Variants in ITPKB observed in about 807,000 individuals in gnomAD.
ITPKB encodes inositol-trisphosphate 3-kinase B, also known as IP3 3-kinase B.
Under a neutral mutation model 69.4 loss-of-function variants are expected in ITPKB, and 13 were observed. The ratio of observed to expected loss-of-function variants is 0.19; its 90% CI spans 0.12 to 0.30. The LOEUF (loss-of-function observed/expected upper bound fraction) is 0.30, where lower values mean the gene tolerates loss of function less well. Ranked by LOEUF, ITPKB falls within the 10% of genes least tolerant of loss-of-function variation. The probability of loss-of-function intolerance (pLI) is 1.00; values close to 1 mark genes in which losing one functional copy is unlikely to be tolerated. For missense variants in ITPKB, 1,240 were observed against 1,250.5 expected, an observed-to-expected ratio of 0.99 and a Z score of 0.13; for synonymous variants, 584 against 513.7, an observed-to-expected ratio of 1.14 and a Z score of -1.85.
intron 2 of ITPKB, among the ~76,000 whole-genome samples, chr1:226,733,169 T>C (rs980744812): frequency 5.3e-5 from 8 of 152,062 alleles, no homozygotes; most frequent in South Asian, 2.1e-4. Flanking sequence ...TGTGAGGGCA[T>C]GTGTGAGGGC....
intron 4 of ITPKB, among the ~76,000 whole-genome samples, chr1:226,644,599 G>A (rs976469764): frequency 1.3e-5 from 2 of 152,190 alleles, no homozygotes; most frequent in Non-Finnish European, 2.9e-5. Context: ...ATGTCGGCGG[G>A]AGCCAGAGTC....
intron 2 of ITPKB, among the ~76,000 whole-genome samples, chr1:226,697,003 C>T (rs1195928389): frequency 1.3e-5 from 2 of 152,222 alleles, no homozygotes; most frequent in Non-Finnish European, 2.9e-5. Context: ...CCACGAAGTT[C>T]ATTCATCCAG....
In ITPKB at chr1:226,737,016, C is replaced by T. The variant is rs753073172; in HGVS notation, c.443G>A (p.Gly148Asp). The T allele has an allele frequency of 6.2e-7, 1 of 1,612,790 alleles. No individual in the cohort carries two copies. The highest frequency in any genetic ancestry group is 8.5e-7 in the Non-Finnish European group (1 of 1,179,940). ...LQNVQVNQKV[G>D]MFEAHIQAQS... ...TGCCTGGATGTGCGCCTCAAACATG[C>T]CCACTTTCTGGTTCACCTGCACGTT... Residue 148 changes from glycine to aspartate, a missense_variant, in exon 2 of 8, where the codon GGC (glycine) becomes GAC (aspartate). Physicochemically the swap from Gly to Asp is moderately conservative, Grantham distance 94. Transcript: ENST00000429204.
At chr1:226,695,135 C>CAAG (rs902737964) in intron 2 of ITPKB, among the ~76,000 whole-genome samples, 7 of 152,110 alleles carry the variant, frequency 4.6e-5, no homozygotes, top group Non-Finnish European at 7.4e-5. Flanking sequence ...AAGGCTGAGG[C>CAAG]AAGAGAATTG....
chr1:226,724,717 G>A (rs1657354710), intron 2 of ITPKB, among the ~76,000 whole-genome samples: 1 of 152,206 alleles, frequency 6.6e-6, no homozygotes, highest in Non-Finnish European at 1.5e-5. Context: ...CCATAGCTAA[G>A]ACTCTATAAC....
At chr1:226,731,547 C>T (rs1417490175) in intron 2 of ITPKB, among the ~76,000 whole-genome samples, 1 of 152,212 alleles carries the variant, frequency 6.6e-6, no homozygotes, top group Non-Finnish European at 1.5e-5. Flanking sequence ...TCTTCAATTA[C>T]ATAGTCACAG....
chr1:226,722,770 G>T (rs182457947), intron 2 of ITPKB, among the ~76,000 whole-genome samples: 1 of 152,320 alleles, frequency 6.6e-6, no homozygotes, highest in Non-Finnish European at 1.5e-5. Context: ...GGCTGAGCCT[G>T]AGACACATAT....
chr1:226,670,266 C>G (rs1311582098), intron 2 of ITPKB, among the ~76,000 whole-genome samples: 1 of 150,460 alleles, frequency 6.6e-6, no homozygotes, highest in African/African-American at 2.5e-5. Flanking sequence ...TGCCAACCCA[C>G]TGCTGGGAGG....
At position 226,737,285 on chromosome 1, in the gene ITPKB, G is replaced by T. The variant is rs748732202; in HGVS notation, c.174C>A (p.Phe58Leu). ...FSPGRGASFLFPPAESLSPEE... is the reference protein window; with the variant it reads ...FSPGRGASFLLPPAESLSPEE... ...CGGGGGACAGCGACTCGGCTGGGGG[G>T]AAGAGGAAAGAGGCGCCTCTCCCGG... The change falls in exon 2 of 8, where the codon TTC (phenylalanine) becomes TTA (leucine). Residue 58 changes from phenylalanine to leucine, a missense_variant. By Grantham distance (22) the Phe-to-Leu change is conservative. Transcript: ENST00000429204. The T allele has an allele frequency of 4.5e-6, 7 of 1,558,988 alleles. No homozygotes were observed. The highest frequency in any genetic ancestry group is 3.7e-4 in the Middle Eastern group (2 of 5,422).
At chr1:226,636,246 C>T (rs1571832308) in intron 7 of ITPKB, among the ~76,000 whole-genome samples, 1 of 152,196 alleles carries the variant, frequency 6.6e-6, no homozygotes, top group African/African-American at 2.4e-5. Flanking sequence ...GGGGCTCTGG[C>T]AGGTGGCAGG....
At chr1:226,707,398 T>C (rs1656828758) in intron 2 of ITPKB, 2 of 327,336 alleles carry the variant, frequency 6.1e-6, no homozygotes, top group African/African-American at 2.2e-5. Flanking sequence ...GGTTTCACCA[T>C]GTTGGCCAGG....
rs1272481873 is a variant in ITPKB, at chr1:226,637,014, C to T, written c.2625+665G>A. ...TGAGTGTGATCTGTGAAGGTGTGTG[C>T]ATGTAGGGTTTATGAGTGTGATCTG... On this transcript the variant is annotated intron_variant, in intron 7 of 7. Coordinates refer to ENST00000429204, the MANE Select transcript of ITPKB (RefSeq NM_002221.4). The surrounding 1 kb of genome is among the most constrained non-coding windows in gnomAD (Gnocchi z 4.3). 6.6e-6 allele frequency among the ~76,000 whole-genome samples: 1 copy of T among 151,642 alleles called. No homozygotes were observed. Among genetic ancestry groups the T allele is most frequent in the East Asian group, 1.9e-4 (1 of 5,182 alleles).
chr1:226,662,409 C>A (rs1368032618), intron 2 of ITPKB, among the ~76,000 whole-genome samples: 1 of 152,214 alleles, frequency 6.6e-6, no homozygotes, highest in African/African-American at 2.4e-5. Flanking sequence ...TCTTTAGTAA[C>A]CCCTGGTTCT....
At chr1:226,726,044 T>C (rs538980116) in intron 2 of ITPKB, among the ~76,000 whole-genome samples, 2 of 152,340 alleles carry the variant, frequency 1.3e-5, no homozygotes, top group South Asian at 4.1e-4. Flanking sequence ...AATTAAAAAC[T>C]CATTTAGGCA....
At chr1:226,690,067 G>A (rs1215592641) in intron 2 of ITPKB, among the ~76,000 whole-genome samples, 1 of 152,156 alleles carries the variant, frequency 6.6e-6, no homozygotes, top group Admixed American at 6.5e-5. Flanking sequence ...GAACAGTGCT[G>A]CAATGAACAT....
At position 226,682,172 on chromosome 1, in the gene ITPKB, C is replaced by CG. The variant is rs1258677048; in HGVS notation, c.1933-33402dup. On this transcript the variant is annotated intron_variant, in intron 2 of 7. Coordinates refer to ENST00000429204, the MANE Select transcript of ITPKB (RefSeq NM_002221.4). The stretch of plus-strand genomic sequence containing the variant: ...AACCATTGTTGCCTGGGTCCCCCCC[C>CG]GCCCCGAGATTCTGGCTTAGTTGGT... Among the ~76,000 whole-genome samples, 3 of 152,288 alleles carry CG rather than the reference C, an allele frequency of 2.0e-5. No homozygotes were observed. The South Asian group carries it at 6.2e-4, about 32-fold the overall frequency.
At chr1:226,692,718 G>C (rs1656386707) in intron 2 of ITPKB, among the ~76,000 whole-genome samples, 1 of 152,190 alleles carries the variant, frequency 6.6e-6, no homozygotes, top group African/African-American at 2.4e-5. Flanking sequence ...CCAAGAATGA[G>C]AGCTGAAGGT....
Position 226,641,529 on chromosome 1 carries a change from G to A in ITPKB, c.2451+392C>T, listed in dbSNP as rs780186206. Among the ~76,000 whole-genome samples the A allele has an allele frequency of 9.2e-5, 14 of 152,230 alleles. No individual in the cohort carries two copies. ...AGACCCTGGCTCCAACATCAAAGGCGGTCAGCATGCTCCTCCCTTCCCCGA... is the reference window on the plus strand; with the variant it reads ...AGACCCTGGCTCCAACATCAAAGGCAGTCAGCATGCTCCTCCCTTCCCCGA... On this transcript the variant is annotated intron_variant, in intron 5 of 7. Transcript: ENST00000429204. This position sits in a 1 kb window ranked among gnomAD's most constrained non-coding sequence, Gnocchi z 4.6.
intron 2 of ITPKB, among the ~76,000 whole-genome samples, chr1:226,684,205 C>T (rs1188479642): frequency 6.6e-6 from 1 of 152,152 alleles, no homozygotes; most frequent in African/African-American, 2.4e-5. Flanking sequence ...TGGCACCAGT[C>T]CAGGTGTTAC....
Sources: gnomAD v4.1 joint callset for allele counts (sites outside exome capture counted in the v4.1 genomes callset) on GRCh38, gnomAD v4.1.1 for gene constraint, Gnocchi (gnomAD v3.1) non-coding constraint, MANE v1.5 for transcripts, NCBI Gene and HGNC (gene_info 2026-07-23, HGNC 2026-07-21) for gene names.